NAV3: variants seen among roughly 807,000 people sequenced by gnomAD.
The protein encoded by NAV3 is pore membrane and/or filament interacting like protein 1.
A neutral mutation model predicts 244.7 loss-of-function variants in NAV3; 87 were observed. The ratio of observed to expected loss-of-function variants is 0.36; its 90% CI spans 0.30 to 0.42. The LOEUF (loss-of-function observed/expected upper bound fraction) is 0.42. Ranked by LOEUF, NAV3 falls within the 20% of genes least tolerant of loss-of-function variation. The pLI is 1.00. For synonymous variants in NAV3, 1,126 were observed against 1,042.2 expected (o/e 1.08, Z -1.55); for missense variants, 2,663 against 2,893.3 (o/e 0.92, Z 1.83).
rs866618410 is a variant in NAV3, at chr12:78,169,784, C to T, written c.4981+918C>T. Among the ~76,000 whole-genome samples, 19 of 151,670 alleles carry T rather than the reference C, an allele frequency of 1.3e-4. 1 individual carries two copies. Among genetic ancestry groups the T allele is most frequent in the South Asian group, 4.1e-4 (2 of 4,824 alleles). ...TTACATGACACTAAATTCAGTAAAA[C>T]GTTTATAATTCTTATTGTATTAGAC... On this transcript the variant is annotated intron_variant, in intron 24 of 39. Coordinates refer to ENST00000397909, the MANE Select transcript of NAV3 (RefSeq NM_001024383.2).
intron 2 of NAV3, among the ~76,000 whole-genome samples, chr12:77,615,537 G>A (rs981616249): frequency 6.6e-6 from 1 of 152,108 alleles, no homozygotes; most frequent in Non-Finnish European, 1.5e-5. Context: ...TGCTCCTGTA[G>A]GGGGCATGAT....
Position 78,006,771 on chromosome 12 carries a change from G to A in NAV3, c.1233G>A (p.Gly411=), listed in dbSNP as rs2136570185. The change falls in exon 8 of 40, where the codon GGG becomes GGA. Residue 411 remains glycine, a synonymous_variant. Coordinates refer to ENST00000397909, the MANE Select transcript of NAV3 (RefSeq NM_001024383.2). ...CCAGTTCAGGACCTAGTGATGGTGG[G>A]AAGGATGATGATGCCTTTTCTGAAT... is the stretch of plus-strand genomic sequence containing the variant. ...QPPSSGPSDG[G]KDDDAFSESG... The A allele has an allele frequency of 1.2e-6, 2 of 1,614,160 alleles. No homozygotes were observed. Among genetic ancestry groups the A allele is most frequent in the Non-Finnish European group, 1.7e-6 (2 of 1,180,010 alleles).
intron 1 of NAV3, among the ~76,000 whole-genome samples, chr12:77,866,351 T>A (rs1880023414): frequency 1.3e-5 from 2 of 152,116 alleles, no homozygotes; most frequent in South Asian, 2.1e-4. Flanking sequence ...AAGAATGCAG[T>A]TTTTAAAAAG....
intron 2 of NAV3, among the ~76,000 whole-genome samples, chr12:77,794,428 T>C (rs1160695075): frequency 1.3e-5 from 2 of 152,194 alleles, no homozygotes; most frequent in African/African-American, 2.4e-5. Flanking sequence ...CTTACCAGTC[T>C]CTAGTCAAGA....
At chr12:77,938,609 C>A (rs1889557924) in intron 1 of NAV3, among the ~76,000 whole-genome samples, 1 of 152,048 alleles carries the variant, frequency 6.6e-6, no homozygotes, top group Non-Finnish European at 1.5e-5. Flanking sequence ...GTGTTGTAAT[C>A]TTGTGATATT....
Position 77,725,949 on chromosome 12 carries a change from C to A in NAV3, c.72+153683C>A, listed in dbSNP as rs1037796957. Among the ~76,000 whole-genome samples, 11 of 152,038 alleles carry A rather than the reference C, an allele frequency of 7.2e-5. No homozygotes were observed. The South Asian group carries it at 1.9e-3, about 26-fold the overall frequency. ...GGCTGACTGAATTTTTTTCATGCTG[C>A]ATCACTCTGAATCTGACCCTTCTGC... On this transcript the variant is annotated intron_variant, in intron 2 of 8. Coordinates refer to the NAV3 transcript ENST00000550042.
intron 2 of NAV3, among the ~76,000 whole-genome samples, chr12:77,699,558 G>C (rs1044577062): frequency 2.6e-5 from 4 of 152,068 alleles, no homozygotes; most frequent in African/African-American, 9.7e-5. Context: ...TTGAATGGCT[G>C]GGGGAAGGAA....
intron 3 of NAV3, among the ~76,000 whole-genome samples, chr12:77,956,764 C>T (rs978628532): frequency 6.8e-6 from 1 of 147,672 alleles, no homozygotes; most frequent in African/African-American, 2.5e-5. Context: ...TTATTTGAGA[C>T]AGAGTCTCAC....
intron 12 of NAV3, among the ~76,000 whole-genome samples, chr12:78,110,077 A>G (rs1318286537): frequency 1.3e-5 from 2 of 152,072 alleles, no homozygotes; most frequent in African/African-American, 4.8e-5. Context: ...CTTAGATTTG[A>G]TTAATTAATT....
intron 9 of NAV3, among the ~76,000 whole-genome samples, chr12:78,034,573 A>C (rs1161377846): frequency 6.6e-6 from 1 of 152,228 alleles, no homozygotes; most frequent in Non-Finnish European, 1.5e-5. Flanking sequence ...GCTTTTATTT[A>C]CAGATGAATA....
At chr12:77,691,511 T>G (rs77689273) in intron 2 of NAV3, among the ~76,000 whole-genome samples, 8,545 of 150,866 alleles carry the variant, frequency 0.057, 564 homozygotes, top group African/African-American at 0.17. Flanking sequence ...TAATCCTTAT[T>G]ATAGTTATTC....
chr12:77,572,862 A>C (rs553957576), intron 2 of NAV3, among the ~76,000 whole-genome samples: 18 of 152,286 alleles, frequency 1.2e-4, no homozygotes, highest in Admixed American at 7.9e-4. Context: ...CTTTTTAGTA[A>C]GAAGTGGGGA....
At chr12:78,107,218 G>A (rs1426649395) in intron 12 of NAV3, among the ~76,000 whole-genome samples, 1 of 152,074 alleles carries the variant, frequency 6.6e-6, no homozygotes, top group African/African-American at 2.4e-5. Flanking sequence ...AATTAAAAGA[G>A]AATAATCAAA....
At chr12:77,942,161 T>G (rs1889931307) in intron 3 of NAV3, among the ~76,000 whole-genome samples, 1 of 152,130 alleles carries the variant, frequency 6.6e-6, no homozygotes, top group Non-Finnish European at 1.5e-5. Context: ...TGACCTGAGG[T>G]CGGGAGTTCG....
At chr12:77,606,176 C>G (rs1400801415) in intron 2 of NAV3, among the ~76,000 whole-genome samples, 1 of 152,090 alleles carries the variant, frequency 6.6e-6, no homozygotes, top group African/African-American at 2.4e-5. Context: ...TATCGTGACA[C>G]ACAAGAAATG....
intron 5 of NAV3, among the ~76,000 whole-genome samples, chr12:77,969,068 GATTA>G (rs1892764696): frequency 6.6e-6 from 1 of 151,828 alleles, no homozygotes; most frequent in Admixed American, 6.6e-5. Flanking sequence ...TGATATTTTT[GATTA>G]ATTAAGTCTG....
chr12:77,792,885 A>G (rs940438451), intron 2 of NAV3, among the ~76,000 whole-genome samples: 4 of 152,156 alleles, frequency 2.6e-5, no homozygotes, highest in Admixed American at 6.5e-5. Flanking sequence ...TGATCCCCCA[A>G]TTACTACTGA....
intron 2 of NAV3, among the ~76,000 whole-genome samples, chr12:77,663,649 G>C (rs934062373): frequency 2.0e-5 from 3 of 151,854 alleles, no homozygotes; most frequent in Admixed American, 6.6e-5. Flanking sequence ...AGCCTCCCAA[G>C]TAGCTGGAAT....
chr12:77,876,886 C>G (rs553193157), intron 1 of NAV3, among the ~76,000 whole-genome samples: 10 of 152,140 alleles, frequency 6.6e-5, no homozygotes, highest in African/African-American at 2.4e-4. Context: ...TCCCTCAGCT[C>G]TCTGTCAAAA....
Sources: allele counts gnomAD v4.1 joint callset (sites outside exome capture counted in the v4.1 genomes callset), GRCh38; gene constraint gnomAD v4.1.1; transcripts MANE v1.5; gene names NCBI Gene and HGNC (gene_info 2026-07-23, HGNC 2026-07-21).